VPS13B: variants seen among roughly 807,000 people sequenced by gnomAD.
VPS13B encodes intermembrane lipid transfer protein VPS13B.
A neutral mutation model predicts 426.4 loss-of-function variants in VPS13B; 285 were observed. The ratio of observed to expected loss-of-function variants is 0.67; its 90% CI spans 0.61 to 0.74. The LOEUF is 0.74. Ranked by LOEUF, VPS13B falls within the 30% of genes least tolerant of loss-of-function variation. VPS13B has a pLI of 0.00. For synonymous variants in VPS13B, 1,676 were observed against 1,676.4 expected, an observed-to-expected ratio of 1.00 and a Z score of 0.01; for missense variants, 4,537 against 4,782.6, an observed-to-expected ratio of 0.95 and a Z score of 1.51.
chr8:99,152,416 A>ATG (rs1418215302), intron 14 of VPS13B, among the ~76,000 whole-genome samples: 2 of 152,154 alleles, frequency 1.3e-5, no homozygotes, highest in African/African-American at 2.4e-5. Flanking sequence ...GTGGCTTAGA[A>ATG]TGTGTCTGTG....
At chr8:99,394,054 G>GT (rs1814601228) in intron 21 of VPS13B, among the ~76,000 whole-genome samples, 2 of 151,756 alleles carry the variant, frequency 1.3e-5, no homozygotes. Flanking sequence ...TTGGTTGTTG[G>GT]TTTTTGTTTG....
chr8:99,268,258 G>T (rs578050812), intron 17 of VPS13B, among the ~76,000 whole-genome samples: 7 of 152,352 alleles, frequency 4.6e-5, no homozygotes, highest in African/African-American at 1.7e-4. Flanking sequence ...CCCCCACACA[G>T]AGTCCCTACT....
intron 17 of VPS13B, among the ~76,000 whole-genome samples, chr8:99,212,206 T>A (rs1247032283): frequency 6.6e-6 from 1 of 152,212 alleles, no homozygotes; most frequent in Non-Finnish European, 1.5e-5. Flanking sequence ...TCGTGCAATT[T>A]TGATGGAAGT....
intron 3 of VPS13B, chr8:99,091,731 A>G (rs1286203813): frequency 1.3e-5 from 2 of 152,070 alleles, no homozygotes; most frequent in Non-Finnish European, 2.9e-5. Context: ...ACTCTCAGAG[A>G]TTCTTTATTG....
At chr8:99,793,172 C>A (rs1812640127) in intron 43 of VPS13B, among the ~76,000 whole-genome samples, 2 of 148,608 alleles carry the variant, frequency 1.3e-5, no homozygotes, top group African/African-American at 4.9e-5. Flanking sequence ...CCACTGCACT[C>A]CAGCCTGGGC....
At chr8:99,196,459 CTTTAGGGGTTTTTTTTT>C (rs1813933164) in intron 17 of VPS13B, among the ~76,000 whole-genome samples, 1 of 136,674 alleles carries the variant, frequency 7.3e-6, no homozygotes, top group African/African-American at 2.7e-5. Flanking sequence ...TGGATGGAGT[CTTTAGGGGTTTTTTTTT>C]TTTTTTTTTG....
intron 40 of VPS13B, among the ~76,000 whole-genome samples, chr8:99,767,981 A>G (rs917485860): frequency 1.3e-5 from 2 of 152,144 alleles, no homozygotes; most frequent in Non-Finnish European, 1.5e-5. Flanking sequence ...GTTTTTGCCT[A>G]CTTAACACAT....
chr8:99,746,362 T>C (rs1337089733), intron 39 of VPS13B, among the ~76,000 whole-genome samples: 1 of 152,106 alleles, frequency 6.6e-6, no homozygotes, highest in African/African-American at 2.4e-5. Context: ...TCATTATAAA[T>C]TCCCCCATGA....
chr8:99,526,648 G>A (rs148609336), intron 30 of VPS13B, among the ~76,000 whole-genome samples: 1 of 152,312 alleles, frequency 6.6e-6, no homozygotes, highest in East Asian at 1.9e-4. Flanking sequence ...AGGAAGATTT[G>A]TTTTGGAGGA....
rs950298071 is a variant in VPS13B, at chr8:99,445,305, A to G, written c.3445+2670A>G. 1.4e-4 allele frequency among the ~76,000 whole-genome samples: 21 copies of G among 149,424 alleles called. 1 individual carries two copies. Among genetic ancestry groups the G allele is most frequent in the African/African-American group, 5.1e-4 (21 of 41,116 alleles). Reference sequence around the variant, plus strand: ...TTTGGCAAGACTTCATCTCTACAAAAAATTTAAAAATTACCCGGTTGTGGT... The same window carrying G: ...TTTGGCAAGACTTCATCTCTACAAAGAATTTAAAAATTACCCGGTTGTGGT... On this transcript the variant is annotated intron_variant, in intron 23 of 61. Coordinates refer to ENST00000357162, the MANE Select transcript of VPS13B (RefSeq NM_152564.5).
chr8:99,772,886 T>C (rs1395254124), intron 40 of VPS13B, among the ~76,000 whole-genome samples: 1 of 152,136 alleles, frequency 6.6e-6, no homozygotes, highest in Admixed American at 6.6e-5. Context: ...GACAGAGCAG[T>C]GTTCATGCAG....
At chr8:99,742,151 C>T (rs1242731932) in intron 39 of VPS13B, among the ~76,000 whole-genome samples, 35 of 152,080 alleles carry the variant, frequency 2.3e-4, no homozygotes, top group Non-Finnish European at 3.7e-4. Context: ...ACATCACCAC[C>T]GATCCCACAG....
At chr8:99,831,449 C>G (rs934320700) in intron 51 of VPS13B, among the ~76,000 whole-genome samples, 5 of 152,126 alleles carry the variant, frequency 3.3e-5, no homozygotes, top group African/African-American at 7.2e-5. Flanking sequence ...TTGAAACTGT[C>G]TTATAGGAAA....
At chr8:99,352,458 G>A (rs1811942682) in intron 19 of VPS13B, among the ~76,000 whole-genome samples, 1 of 152,084 alleles carries the variant, frequency 6.6e-6, no homozygotes, top group Non-Finnish European at 1.5e-5. Context: ...GAAATGAGTG[G>A]TAATAAGAAT....
chr8:99,589,962 G>T (rs1826526745), intron 33 of VPS13B, among the ~76,000 whole-genome samples: 1 of 152,138 alleles, frequency 6.6e-6, no homozygotes, highest in Non-Finnish European at 1.5e-5. Flanking sequence ...GAATCCGTCT[G>T]GTCCTGGACT....
At position 99,835,337 on chromosome 8, in the gene VPS13B, C is replaced by T. The variant is rs112919682; in HGVS notation, c.9742+13C>T. The T allele has an allele frequency of 5.2e-4, 841 of 1,605,558 alleles. 3 individuals carry two copies. The African/African-American group carries it at 1.0e-2, about 19-fold the overall frequency. The stretch of plus-strand genomic sequence containing the variant: ...GAAAACATTAAAGGTATGTTTTATA[C>T]TATCGAATTTAGATAATACTAAATG... On this transcript the variant is annotated intron_variant, in intron 53 of 61. Coordinates refer to ENST00000357162, the MANE Select transcript of VPS13B (RefSeq NM_152564.5).
intron 33 of VPS13B, among the ~76,000 whole-genome samples, chr8:99,633,102 G>C (rs1325712083): frequency 6.6e-6 from 1 of 151,958 alleles, no homozygotes; most frequent in Non-Finnish European, 1.5e-5. Flanking sequence ...GGGTAAATTA[G>C]TTTTAAAAGC....
chr8:99,687,752 C>T (rs1332626916), intron 35 of VPS13B, among the ~76,000 whole-genome samples: 2 of 152,068 alleles, frequency 1.3e-5, no homozygotes, highest in Admixed American at 6.5e-5. Flanking sequence ...TCTTTCCTAC[C>T]GTCTTCAGTA....
chr8:99,205,038 T>C (rs1338789015), intron 17 of VPS13B, among the ~76,000 whole-genome samples: 1 of 152,162 alleles, frequency 6.6e-6, no homozygotes, highest in Non-Finnish European at 1.5e-5. Flanking sequence ...TCATTCTACA[T>C]AAAGACACAT....
Sources: gnomAD v4.1 joint callset for allele counts (sites outside exome capture counted in the v4.1 genomes callset) on GRCh38, gnomAD v4.1.1 for gene constraint, MANE v1.5 for transcripts, NCBI Gene and HGNC (gene_info 2026-07-23, HGNC 2026-07-21) for gene names.